FER: variants seen among roughly 807,000 people sequenced by gnomAD.
FER encodes tyrosine-protein kinase Fer.
In FER, 63 loss-of-function variants were observed where a neutral mutation model predicts 111.0. That is an observed-to-expected ratio of 0.57 (90% CI 0.46 to 0.70). FER has a LOEUF of 0.70. FER is among the 30% of genes least tolerant of loss of function. FER has a pLI of 0.00. For synonymous variants in FER, 327 were observed against 313.9 expected (o/e 1.04, Z -0.44); for missense variants, 914 against 954.0 (o/e 0.96, Z 0.55).
intron 16 of FER, among the ~76,000 whole-genome samples, chr5:109,056,520 A>G (rs1163999623): frequency 6.6e-6 from 1 of 152,190 alleles, no homozygotes; most frequent in African/African-American, 2.4e-5. Context: ...AAAAAGTCAG[A>G]TATACAGAGA....
In FER at chr5:109,147,800, TAGAG is replaced by T. The variant is rs750473377; in HGVS notation, c.2049-32923_2049-32920del. On this transcript the variant is annotated intron_variant, in intron 17 of 19. Transcript: ENST00000281092. Reference sequence around the variant, plus strand: ...ACATACATATATATATATATATATATAGAGAGAGAGAGAGAGAGAGAGAGAGACA... The same window carrying T: ...ACATACATATATATATATATATATATAGAGAGAGAGAGAGAGAGAGAGACA... 2.5e-3 allele frequency among the ~76,000 whole-genome samples: 299 copies of T among 118,588 alleles called. 1 individual carries two copies. Among genetic ancestry groups the T allele is most frequent in the African/African-American group, 7.6e-3 (236 of 31,062 alleles). 77.8% of individuals were successfully genotyped at this position (118,588 alleles called of 152,430 possible). A position where few individuals can be genotyped will look rare whatever the true frequency, so the allele number is the denominator to read the frequency against.
intron 10 of FER, among the ~76,000 whole-genome samples, chr5:108,937,117 A>T (rs1755575031): frequency 6.6e-6 from 1 of 152,044 alleles, no homozygotes; most frequent in Non-Finnish European, 1.5e-5. Flanking sequence ...ATGATGTCTA[A>T]TAGCTCCTGT....
chr5:109,158,647 C>T (rs927809971), intron 17 of FER, among the ~76,000 whole-genome samples: 1 of 152,108 alleles, frequency 6.6e-6, no homozygotes, highest in Non-Finnish European at 1.5e-5. Flanking sequence ...ACATTGCCTT[C>T]GGATGATAGC....
chr5:109,183,772 G>A (rs1236639458), intron 18 of FER, among the ~76,000 whole-genome samples: 1 of 152,086 alleles, frequency 6.6e-6, no homozygotes, highest in African/African-American at 2.4e-5. Context: ...CTCAAGAAAA[G>A]TGGGGGGTGG....
Position 109,133,772 on chromosome 5 carries a change from C to A in FER, c.2048+33253C>A, listed in dbSNP as rs547992508. Among the ~76,000 whole-genome samples, 6 of 152,194 alleles carry A rather than the reference C, an allele frequency of 3.9e-5. No homozygotes were observed. In the East Asian group the frequency reaches 1.2e-3, roughly 29 times the overall value. On this transcript the variant is annotated intron_variant, in intron 17 of 19. Transcript: ENST00000281092. ...ATTTCCCATGAGTCAACTAGTTTCT[C>A]TTTAGTGTCTGCCATTTCCAGCATT...
intron 10 of FER, among the ~76,000 whole-genome samples, chr5:108,901,759 C>T (rs1225318091): frequency 2.6e-5 from 4 of 152,098 alleles, no homozygotes; most frequent in Admixed American, 2.0e-4. Flanking sequence ...TGAGACCAGC[C>T]TGGGCAACAT....
chr5:109,138,149 AAG>A (rs1753115456), intron 17 of FER, among the ~76,000 whole-genome samples: 1 of 152,192 alleles, frequency 6.6e-6, no homozygotes, highest in African/African-American at 2.4e-5. Context: ...GGGTGGGAGA[AAG>A]AGGATGAAGA....
At chr5:108,821,893 A>C (rs1758885432) in intron 3 of FER, among the ~76,000 whole-genome samples, 1 of 152,110 alleles carries the variant, frequency 6.6e-6, no homozygotes, top group South Asian at 2.1e-4. Flanking sequence ...AGCAAATTCA[A>C]AGTGTATAAT....
chr5:109,129,773 G>A (rs1752158297), intron 17 of FER, among the ~76,000 whole-genome samples: 1 of 151,986 alleles, frequency 6.6e-6, no homozygotes, highest in Admixed American at 6.6e-5. Flanking sequence ...CTTTAAAAAT[G>A]CATACCCTTT....
At chr5:108,934,492 A>G (rs184209756) in intron 10 of FER, among the ~76,000 whole-genome samples, 229 of 152,278 alleles carry the variant, frequency 1.5e-3, no homozygotes, top group African/African-American at 5.2e-3. Context: ...ACATAAACGT[A>G]TATTGACCAA....
chr5:108,805,602 G>A (rs1757123439), intron 3 of FER, among the ~76,000 whole-genome samples: 1 of 152,202 alleles, frequency 6.6e-6, no homozygotes, highest in African/African-American at 2.4e-5. Context: ...GAACGAAAAG[G>A]TCCAGGCTGA....
At chr5:108,924,360 CAAAAAAAAAAAAA>C (rs59469649) in intron 10 of FER, among the ~76,000 whole-genome samples, 1 of 99,070 alleles carries the variant, frequency 1.0e-5, no homozygotes, top group Non-Finnish European at 2.0e-5. Flanking sequence ...AACTCTGTCT[CAAAAAAAAAAAAA>C]AAAAAAAAAT....
intron 1 of FER, among the ~76,000 whole-genome samples, chr5:108,764,795 G>C (rs116378129): frequency 6.6e-6 from 1 of 152,138 alleles, no homozygotes; most frequent in South Asian, 2.1e-4. Context: ...AAACTAAGGG[G>C]ATATTTATTA....
At chr5:109,057,152 C>T (rs1439302589) in intron 16 of FER, among the ~76,000 whole-genome samples, 1 of 152,152 alleles carries the variant, frequency 6.6e-6, no homozygotes, top group Non-Finnish European at 1.5e-5. Context: ...CATCTTTTGT[C>T]AGATTTATCA....
intron 2 of FER, among the ~76,000 whole-genome samples, chr5:108,773,837 C>T (rs538848798): frequency 2.0e-5 from 3 of 152,242 alleles, no homozygotes; most frequent in African/African-American, 2.4e-5. Flanking sequence ...TCATTTTTCT[C>T]CACAACCTCA....
intron 9 of FER, among the ~76,000 whole-genome samples, chr5:108,895,711 G>A (rs375248670): frequency 3.3e-5 from 5 of 152,204 alleles, no homozygotes; most frequent in African/African-American, 9.6e-5. Context: ...TCTTTGCCAC[G>A]TAAGCTGACA....
intron 1 of FER, among the ~76,000 whole-genome samples, chr5:108,758,049 T>C (rs1295564591): frequency 2.6e-5 from 4 of 152,298 alleles, no homozygotes; most frequent in South Asian, 2.1e-4. Context: ...GGTGAAGAGA[T>C]AGACATGGCC....
intron 16 of FER, among the ~76,000 whole-genome samples, chr5:109,080,342 G>C (rs574241029): frequency 6.6e-6 from 1 of 152,046 alleles, no homozygotes; most frequent in Non-Finnish European, 1.5e-5. Context: ...AGTGATGAAA[G>C]ACCTGGGTTG....
chr5:108,863,075 T>C (rs1048003382), intron 5 of FER, among the ~76,000 whole-genome samples: 4 of 152,164 alleles, frequency 2.6e-5, no homozygotes, highest in Admixed American at 2.0e-4. Context: ...TGATCACTTT[T>C]AGATGGAAGG....
Sources: allele counts gnomAD v4.1 joint callset (sites outside exome capture counted in the v4.1 genomes callset), GRCh38; gene constraint gnomAD v4.1.1; transcripts MANE v1.5; gene names NCBI Gene and HGNC (gene_info 2026-07-23, HGNC 2026-07-21).